Variants in IQANK1 observed in about 807,000 individuals in gnomAD.
IQANK1 encodes IQ motif and ankyrin repeat containing 1, also known as IQ motif and ankyrin repeat domain-containing protein 1.
Under a neutral mutation model 22.6 loss-of-function variants are expected in IQANK1, and 30 were observed. The ratio of observed to expected loss-of-function variants is 1.33; its 90% confidence interval spans 0.99 to 1.80. IQANK1 has a LOEUF of 1.80. IQANK1 is among the 40% of genes most tolerant of loss of function. The pLI, the probability that IQANK1 is intolerant of heterozygous loss-of-function variation, is 0.00. For synonymous variants in IQANK1, 122 were observed against 99.6 expected, an observed-to-expected ratio of 1.23 and a Z score of -1.34; for missense variants, 275 against 235.2, an observed-to-expected ratio of 1.17 and a Z score of -1.11.
intron 7 of IQANK1, among the ~76,000 whole-genome samples, chr8:143,776,318 A>G (rs1188664763): frequency 2.7e-5 from 3 of 110,508 alleles, no homozygotes; most frequent in Non-Finnish European, 5.2e-5. Flanking sequence ...ACAGAGCGAG[A>G]CTCCGTCTCA....
intron 3 of IQANK1, chr8:143,742,043 G>A: frequency 3.4e-6 from 1 of 294,290 alleles, no homozygotes; most frequent in Non-Finnish European, 6.8e-6. Context: ...ATGTCCACGA[G>A]CCTGTCTGTG....
Position 143,789,971 on chromosome 8 carries a change from G to A in IQANK1, c.1196G>A (p.Gly399Glu). ...CAGCTGCACTCTGCTACCCCGACAG[G>A]GGAGGAAGAGGCGCCTGGGCTGAAG... ...RLELREQTQE[G>E]EEEAPGLKCQ... is the part of the protein sequence containing the mutation. The change falls in exon 12 of 14, where the codon GGG (glycine) becomes GAG (glutamate). Residue 399 changes from glycine to glutamate, a missense_variant and splice_region_variant. Transcript: ENST00000527139. 1 of 1,232,026 alleles carries A rather than the reference G, an allele frequency of 8.1e-7. No individual in the cohort carries two copies. The allele number at this position is 1,232,026 out of a possible 1,614,324, so 76.3% of individuals were successfully genotyped here.
intron 2 of IQANK1, among the ~76,000 whole-genome samples, chr8:143,738,956 C>T (rs1554626063): frequency 6.6e-6 from 1 of 152,206 alleles, no homozygotes; most frequent in African/African-American, 2.4e-5. Flanking sequence ...CCGGTGGGAG[C>T]TAGGGCAGGG....
At chr8:143,761,451 T>C (rs1819396534) in intron 3 of IQANK1, among the ~76,000 whole-genome samples, 1 of 152,224 alleles carries the variant, frequency 6.6e-6, no homozygotes, top group South Asian at 2.1e-4. Flanking sequence ...TTATCTGTTT[T>C]TGAACAATTA....
chr8:143,747,168 C>A (rs371429445), intron 3 of IQANK1, among the ~76,000 whole-genome samples: 1 of 152,218 alleles, frequency 6.6e-6, no homozygotes. Flanking sequence ...AGTGAGCCAC[C>A]GCGCCCGGCC....
chr8:143,781,495 T>C (rs1343622420), intron 7 of IQANK1, among the ~76,000 whole-genome samples: 1 of 152,230 alleles, frequency 6.6e-6, no homozygotes, highest in Non-Finnish European at 1.5e-5. Flanking sequence ...AGTTGATTTT[T>C]ATGTATGGTG....
In IQANK1 at chr8:143,774,890, G is replaced by T. The variant is rs59317133; in HGVS notation, c.789+2408G>T. 0.05 allele frequency among the ~76,000 whole-genome samples: 7,630 copies of T among 152,226 alleles called. 590 individuals carry two copies. The highest frequency in any genetic ancestry group is 0.17 in the African/African-American group (6,918 of 41,498). Reference sequence around the variant, plus strand: ...AAACCGGAAGGGAGCTTCACAGAGTGGGGGAGAAGGTCACACACACTCACA... The same window carrying T: ...AAACCGGAAGGGAGCTTCACAGAGTTGGGGAGAAGGTCACACACACTCACA... On this transcript the variant is annotated intron_variant, in intron 7 of 13. Transcript: ENST00000527139. The surrounding 1 kb of genome is among the most constrained non-coding windows in gnomAD (Gnocchi z 4.2).
chr8:143,757,268 A>C (rs929526391), intron 3 of IQANK1, among the ~76,000 whole-genome samples: 7 of 152,158 alleles, frequency 4.6e-5, no homozygotes, highest in Non-Finnish European at 1.0e-4. Context: ...GTCGCCTTTG[A>C]AAAAGCACAT....
intron 7 of IQANK1, among the ~76,000 whole-genome samples, chr8:143,783,581 G>A (rs192303134): frequency 2.0e-5 from 3 of 152,184 alleles, no homozygotes; most frequent in Admixed American, 2.0e-4. Flanking sequence ...TTGTTTTACT[G>A]TAGTAAATTT....
At position 143,735,986 on chromosome 8, in the gene IQANK1, C is replaced by G. The variant is rs1443648337; in HGVS notation, c.85+48C>G. On this transcript the variant is annotated intron_variant, in intron 2 of 13. Transcript: ENST00000527139. This position sits in a 1 kb window ranked among gnomAD's most constrained non-coding sequence, Gnocchi z 5.2. The stretch of plus-strand genomic sequence containing the variant: ...AGAGCACTGTCACCCAGACACTGAC[C>G]TGTGAGACCTTCTATGTAGCCACCG... The G allele has an allele frequency of 1.4e-6, 1 of 701,700 alleles. No homozygotes were observed. Among genetic ancestry groups the G allele is most frequent in the African/African-American group, 1.8e-5 (1 of 57,142 alleles). The allele number at this position is 701,700 out of a possible 1,614,324, so 43.5% of individuals were successfully genotyped here. A position where few individuals can be genotyped will look rare whatever the true frequency, so the allele number is the denominator to read the frequency against.
At chr8:143,780,944 C>T (rs1819785689) in intron 7 of IQANK1, among the ~76,000 whole-genome samples, 1 of 152,198 alleles carries the variant, frequency 6.6e-6, no homozygotes, top group Non-Finnish European at 1.5e-5. Flanking sequence ...CTCCCACCAA[C>T]AGTGTGTGTG....
At chr8:143,757,483 C>T (rs1344905141) in intron 3 of IQANK1, among the ~76,000 whole-genome samples, 1 of 151,940 alleles carries the variant, frequency 6.6e-6, no homozygotes, top group Non-Finnish European at 1.5e-5. Flanking sequence ...ACTATAGGCG[C>T]CCGCCACCAC....
intron 7 of IQANK1, among the ~76,000 whole-genome samples, chr8:143,778,517 T>A (rs922748637): frequency 6.6e-6 from 1 of 152,170 alleles, no homozygotes; most frequent in Non-Finnish European, 1.5e-5. Context: ...GCAAAAACTA[T>A]GAGAACTACA....
In IQANK1 at chr8:143,790,253, C is replaced by A. The variant is rs114001075; in HGVS notation, c.1406C>A (p.Ala469Asp). The change falls in exon 13 of 14, where the codon GCT becomes GAT. Residue 469 changes from alanine to aspartate, a missense_variant. Coordinates refer to ENST00000527139, the MANE Select transcript of IQANK1 (RefSeq NM_001381874.1). ...CTGAGGCCGGAGACGATGTGGCTGGCTCTGCTGGGGGCTCTGCGGTGAGGC... is the reference window on the plus strand; with the variant it reads ...CTGAGGCCGGAGACGATGTGGCTGGATCTGCTGGGGGCTCTGCGGTGAGGC... ...EPLRPETMWL[A>D]LLGALRYGKP... 1.6e-6 allele frequency: 2 copies of A among 1,232,126 alleles called. No homozygotes were observed. The allele number at this position is 1,232,126 out of a possible 1,614,324, so 76.3% of individuals were successfully genotyped here.
At chr8:143,765,070 G>C (rs1446776892) in intron 3 of IQANK1, among the ~76,000 whole-genome samples, 1 of 152,040 alleles carries the variant, frequency 6.6e-6, no homozygotes, top group Non-Finnish European at 1.5e-5. Context: ...CATATATATA[G>C]CCGCGCCGGG....
At chr8:143,751,652 G>GTA (rs1282292064) in intron 3 of IQANK1, among the ~76,000 whole-genome samples, 2,839 of 33,170 alleles carry the variant, frequency 0.086, 131 homozygotes, top group South Asian at 0.12. Context: ...GTGTGTGTGT[G>GTA]TGTGTGTGTG....
rs190279271 is a variant in IQANK1, at chr8:143,735,429, G to A, written c.-4-421G>A. ...GGGGAGCAGGCTCAGGGGTGGGCTG[G>A]CTTCCCAGGGCAGTGGAGAGGCATG... is the stretch of plus-strand genomic sequence containing the variant. On this transcript the variant is annotated intron_variant, in intron 1 of 13. Coordinates refer to ENST00000527139, the MANE Select transcript of IQANK1 (RefSeq NM_001381874.1). The surrounding 1 kb of genome is among the most constrained non-coding windows in gnomAD (Gnocchi z 5.2). Among the ~76,000 whole-genome samples the A allele has an allele frequency of 3.9e-5, 6 of 152,304 alleles. No homozygotes were observed. Among genetic ancestry groups the A allele is most frequent in the African/African-American group, 1.4e-4 (6 of 41,560 alleles).
intron 2 of IQANK1, among the ~76,000 whole-genome samples, chr8:143,736,556 G>T (rs951589891): frequency 6.6e-6 from 1 of 152,076 alleles, no homozygotes; most frequent in African/African-American, 2.4e-5. Context: ...AGTGGGAGGC[G>T]CCTAGATGGC....
chr8:143,741,193 T>A (rs1262372143), intron 3 of IQANK1, among the ~76,000 whole-genome samples: 3 of 152,166 alleles, frequency 2.0e-5, no homozygotes, highest in African/African-American at 7.2e-5. Flanking sequence ...TTCTGTAGTT[T>A]GAGGTGGACT....
Sources: gnomAD v4.1 joint callset for allele counts (sites outside exome capture counted in the v4.1 genomes callset) on GRCh38, gnomAD v4.1.1 for gene constraint, Gnocchi (gnomAD v3.1) non-coding constraint, MANE v1.5 for transcripts, NCBI Gene and HGNC (gene_info 2026-07-23, HGNC 2026-07-21) for gene names.